RANBP2: variants seen among roughly 807,000 people sequenced by gnomAD.
The protein encoded by RANBP2 is RAN binding protein 2.
Under a neutral mutation model 303.6 loss-of-function variants are expected in RANBP2, and 57 were observed. That is an observed-to-expected ratio of 0.19 (90% CI 0.15 to 0.23). RANBP2 has a LOEUF of 0.23. Ranked by LOEUF, RANBP2 falls within the 10% of genes least tolerant of loss-of-function variation. RANBP2 has a pLI of 1.00. For missense variants in RANBP2, 3,138 were observed against 3,780.8 expected, an observed-to-expected ratio of 0.83 and a Z score of 4.46; for synonymous variants, 1,167 against 1,301.5, an observed-to-expected ratio of 0.90 and a Z score of 2.23.
the RANBP2 span, among the ~76,000 whole-genome samples, chr2:108,961,679 T>C: frequency 6.6e-6 from 1 of 152,236 alleles, no homozygotes; most frequent in Admixed American, 6.5e-5. Flanking sequence ...TTCATTCTGA[T>C]GCAAGGGGCC....
the RANBP2 span, among the ~76,000 whole-genome samples, chr2:109,373,561 T>C: frequency 6.6e-6 from 1 of 152,008 alleles, no homozygotes; most frequent in Non-Finnish European, 1.5e-5. Flanking sequence ...TAAAAGTAAA[T>C]GCCGTATGGG....
chr2:109,135,545 TC>T, the RANBP2 span, among the ~76,000 whole-genome samples: 1 of 152,222 alleles, frequency 6.6e-6, no homozygotes, highest in Non-Finnish European at 1.5e-5. Context: ...ACGAAAATCT[TC>T]AAGTCTCTTA....
chr2:109,357,421 T>G, the RANBP2 span, among the ~76,000 whole-genome samples: 1 of 152,212 alleles, frequency 6.6e-6, no homozygotes, highest in African/African-American at 2.4e-5. Flanking sequence ...GACCTCGTGA[T>G]CCACCCACCT....
At chr2:109,070,185 C>T in the RANBP2 span, among the ~76,000 whole-genome samples, 1 of 152,030 alleles carries the variant, frequency 6.6e-6, no homozygotes, top group Non-Finnish European at 1.5e-5. Flanking sequence ...TGAGGGGGAA[C>T]AAAGACAGGG....
chr2:109,109,991 A>T, the RANBP2 span, among the ~76,000 whole-genome samples: 5 of 152,066 alleles, frequency 3.3e-5, no homozygotes, highest in Admixed American at 6.6e-5. Flanking sequence ...AAAATAGGAG[A>T]CAATCACTTC....
the RANBP2 span, among the ~76,000 whole-genome samples, chr2:109,134,576 C>T: frequency 6.6e-6 from 1 of 152,198 alleles, no homozygotes; most frequent in Non-Finnish European, 1.5e-5. Flanking sequence ...TGTGGCTCAT[C>T]TGGTCCTTAC....
the RANBP2 span, among the ~76,000 whole-genome samples, chr2:109,222,961 T>C: frequency 6.6e-6 from 1 of 152,196 alleles, no homozygotes; most frequent in Non-Finnish European, 1.5e-5. Context: ...ACGGTCCCCA[T>C]ACTCTCCCAT....
At chr2:109,566,361 TCCA>T in the RANBP2 span, among the ~76,000 whole-genome samples, 2 of 152,022 alleles carry the variant, frequency 1.3e-5, no homozygotes, top group Non-Finnish European at 2.9e-5. Flanking sequence ...CCTCAGGTGA[TCCA>T]CCTGTCTTGG....
chr2:109,323,702 T>C, the RANBP2 span, among the ~76,000 whole-genome samples: 1 of 152,214 alleles, frequency 6.6e-6, no homozygotes, highest in Admixed American at 6.5e-5. Context: ...AAGGTGAAGG[T>C]GGCCTGCTCT....
the RANBP2 span, among the ~76,000 whole-genome samples, chr2:109,413,932 G>A: frequency 1.3e-5 from 2 of 152,234 alleles, no homozygotes; most frequent in Admixed American, 6.5e-5. Flanking sequence ...GCAGTCACCT[G>A]CCCCAGGAAG....
chr2:108,843,882 C>G, the RANBP2 span, among the ~76,000 whole-genome samples: 1,615 of 46,080 alleles, frequency 0.035, 76 homozygotes, highest in African/African-American at 0.11. Flanking sequence ...GTGTGTGTTT[C>G]TTTCTTTTTT....
intron 9 of RANBP2, among the ~76,000 whole-genome samples, chr2:108,749,592 C>T (rs890979790): frequency 2.0e-5 from 3 of 151,930 alleles, no homozygotes; most frequent in Non-Finnish European, 4.4e-5. Flanking sequence ...GCCACTGCGA[C>T]CAGCCTTGTT....
At chr2:109,553,083 T>C in the RANBP2 span, 4 of 1,611,552 alleles carry the variant, frequency 2.5e-6, no homozygotes, top group East Asian at 2.2e-5. Flanking sequence ...ACCAGCATAC[T>C]TGCCTCTCTC....
At chr2:109,410,121 G>T in the RANBP2 span, among the ~76,000 whole-genome samples, 1 of 152,200 alleles carries the variant, frequency 6.6e-6, no homozygotes, top group Non-Finnish European at 1.5e-5. Flanking sequence ...AAAATGCAGC[G>T]GAGGAGGCTC....
the RANBP2 span, among the ~76,000 whole-genome samples, chr2:108,992,256 G>A: frequency 6.6e-6 from 1 of 152,216 alleles, no homozygotes; most frequent in South Asian, 2.1e-4. Flanking sequence ...TGCCGGTACT[G>A]TTCCAGTTGC....
chr2:109,667,060 G>A, the RANBP2 span: 7 of 621,500 alleles, frequency 1.1e-5, no homozygotes, highest in Admixed American at 3.2e-5. Context: ...CCAGTGAGAA[G>A]GTTTTGTGGG....
chr2:109,690,537 T>C, the RANBP2 span, among the ~76,000 whole-genome samples: 1 of 152,226 alleles, frequency 6.6e-6, no homozygotes, highest in South Asian at 2.1e-4. Flanking sequence ...GCCTCAAGAT[T>C]TATTTTCCTT....
the RANBP2 span, among the ~76,000 whole-genome samples, chr2:109,253,867 G>C: frequency 6.6e-6 from 1 of 152,126 alleles, no homozygotes; most frequent in Non-Finnish European, 1.5e-5. Flanking sequence ...AGAAAGTAAT[G>C]TATGAGTATT....
At chr2:108,731,919 T>A (rs1695197016) in intron 4 of RANBP2, 1 of 190,398 alleles carries the variant, frequency 5.3e-6, no homozygotes, top group Non-Finnish European at 1.1e-5. Context: ...CAAAAGGTGG[T>A]TTCTCTAGTA....
Sources: gnomAD v4.1 joint callset for allele counts (sites outside exome capture counted in the v4.1 genomes callset) on GRCh38, gnomAD v4.1.1 for gene constraint, MANE v1.5 for transcripts, NCBI Gene and HGNC (gene_info 2026-07-23, HGNC 2026-07-21) for gene names.